The following TTN variants were observed in gnomAD, a reference collection of about 807,000 sequenced individuals.
TTN encodes the protein connectin.
A neutral mutation model predicts 3,223.0 loss-of-function variants in TTN; 1,525 were observed. That is an observed-to-expected ratio of 0.47 (90% CI 0.45 to 0.49). TTN has a LOEUF of 0.49. Ranked by LOEUF, TTN falls within the 20% of genes least tolerant of loss-of-function variation. The pLI is 0.00. For synonymous variants in TTN, 14,094 were observed against 15,161.0 expected, an observed-to-expected ratio of 0.93 and a Z score of 5.17; for missense variants, 40,786 against 43,424.0, an observed-to-expected ratio of 0.94 and a Z score of 5.40.
chr2:178,693,836 C>A (rs2073052530), intron 118 of TTN, 86 bp downstream of exon 118: 1 of 1,296,960 alleles, frequency 7.7e-7, no homozygotes, highest in Admixed American at 2.0e-5. Context: ...GAAATGTCTA[C>A]ACGATCACAA....
rs373173796 is a variant in TTN at position 178,548,426 on chromosome 2, C to G, written c.93200G>C (p.Ser31067Thr). ...EASRRSWQVI[S>T]EKCTRQIFKV... ...GAAGATCTGACGAGTGCATTTTTCA[C>G]TGATAACCTGCCAACTACGGCGACT... Residue 31067 changes from serine (S) to threonine (T), a missense_variant, in exon 339 of 363, where the codon AGT becomes ACT. Transcript: ENST00000589042. This position sits in a 1 kb window ranked among gnomAD's most constrained non-coding sequence, Gnocchi z 4.3. The G allele has an allele frequency of 6.2e-7, 1 of 1,613,744 alleles. No individual in the cohort carries two copies. Among genetic ancestry groups the G allele is most frequent in the Non-Finnish European group, 8.5e-7 (1 of 1,179,828 alleles).
chr2:178,775,178 T>C lies in TTN; in HGVS notation c.6533A>G (p.Gln2178Arg). The C allele has an allele frequency of 6.2e-7, 1 of 1,613,968 alleles. No homozygotes were observed. The highest frequency in any genetic ancestry group is 1.3e-5 in the African/African-American group (1 of 75,032). ...VQAKQLITFT[Q>R]ELQDVVAKEK... ...CTTAGCAACAACATCTTGTAATTCC[T>C]GTGTGAAAGTGATCAATTGCTTGGC... Residue 2178 changes from glutamine (Q) to arginine (R), a missense_variant, in exon 29 of 363, where the codon CAG (glutamine) becomes CGG (arginine). Coordinates refer to ENST00000589042, the MANE Select transcript of TTN (RefSeq NM_001267550.2).
rs750064931 is a variant in TTN at position 178,591,649 on chromosome 2, C to A, written c.60170G>T (p.Gly20057Val). 3 of 1,613,450 alleles carry A rather than the reference C, an allele frequency of 1.9e-6. No individual in the cohort carries two copies. Among genetic ancestry groups the A allele is most frequent in the Non-Finnish European group, 2.5e-6 (3 of 1,179,550 alleles). ...RFRVKAENIV[G>V]LGLPDTTIPI... ...GATAGTTGTGTCAGGGAGACCAAGA[C>A]CCACAATGTTTTCAGCTTTTACACG... Residue 20057 changes from glycine (G) to valine (V), a missense_variant, in exon 303 of 363, where the codon GGT becomes GTT. Physicochemically the swap from Gly to Val is moderately radical, Grantham distance 109 (BLOSUM62 -3). Coordinates refer to ENST00000589042, the MANE Select transcript of TTN (RefSeq NM_001267550.2).
rs1357526514 is a variant in TTN, at chr2:178,679,880, G to C, written c.33580+14C>G. The C allele has an allele frequency of 1.2e-6, 2 of 1,612,188 alleles. No homozygotes were observed. Among genetic ancestry groups the C allele is most frequent in the African/African-American group, 1.3e-5 (1 of 74,856 alleles). Reference sequence around the variant, plus strand: ...GATGCTGTTGCACAGCCCTTTGCAGGAGGCATCATCTACCTTTGACTGGTA... The same window carrying C: ...GATGCTGTTGCACAGCCCTTTGCAGCAGGCATCATCTACCTTTGACTGGTA... On this transcript the variant is annotated intron_variant, in intron 140 of 362. Coordinates refer to ENST00000589042, the MANE Select transcript of TTN (RefSeq NM_001267550.2).
chr2:178,776,454 A>G lies in TTN; in HGVS notation c.5410T>C (p.Ser1804Pro), dbSNP rs1333399387. The change falls in exon 28 of 363, where the codon TCC becomes CCC. Residue 1804 changes from serine (S) to proline (P), a missense_variant. By Grantham distance (74) the Ser-to-Pro change is moderately conservative. Transcript: ENST00000589042. The stretch of plus-strand genomic sequence containing the variant: ...CCTTTCCTCCCCTCAGGCAATTGGG[A>G]TTCTTCCACAAGACTTTTCTCATCT... ...VKDEKSLVEE[S>P]QLPEGRKGLQ... The G allele has an allele frequency of 6.2e-7, 1 of 1,608,466 alleles. No individual in the cohort carries two copies. The highest frequency in any genetic ancestry group is 1.1e-5 in the South Asian group (1 of 91,090).
chr2:178,621,062 A>G (rs370367147), intron 246 of TTN, 40 bp downstream of exon 246: 3 of 1,606,392 alleles, frequency 1.9e-6, no homozygotes, highest in African/African-American at 1.3e-5. Flanking sequence ...TACAAAACAA[A>G]CAAACAAACA....
At chr2:178,601,814 A>G in intron 285 of TTN, 27 bp from the exon 286 acceptor site, 1 of 1,603,702 alleles carries the variant, frequency 6.2e-7, no homozygotes, top group Non-Finnish European at 8.5e-7. Flanking sequence ...GTAGTCATAC[A>G]TTGAATGAAA....
chr2:178,598,982 A>T lies in TTN; in HGVS notation c.56728T>A (p.Tyr18910Asn). ...SMTVNWEEPEYDGGSPVTGYW... is the reference protein window; with the variant it reads ...SMTVNWEEPENDGGSPVTGYW... ...CCTGTCACAGGAGAGCCTCCATCATATTCTGGCTCTTCCCAGTTGACAGTC... is the reference window on the plus strand; with the variant it reads ...CCTGTCACAGGAGAGCCTCCATCATTTTCTGGCTCTTCCCAGTTGACAGTC... Residue 18910 changes from tyrosine (Y) to asparagine (N), a missense_variant, in exon 291 of 363, where the codon TAT becomes AAT. Coordinates refer to ENST00000589042, the MANE Select transcript of TTN (RefSeq NM_001267550.2). 1 of 1,611,828 alleles carries T rather than the reference A, an allele frequency of 6.2e-7. No individual in the cohort carries two copies. Among genetic ancestry groups the T allele is most frequent in the East Asian group, 2.2e-5 (1 of 44,566 alleles).
intron 110 of TTN, 133 bp downstream of exon 110, chr2:178,701,395 C>T: frequency 2.9e-6 from 3 of 1,041,728 alleles, no homozygotes. Flanking sequence ...TCTAATTGCT[C>T]ACTGAAGAAT....
chr2:178,757,229 A>ACTTT (rs1398848581), intron 45 of TTN, among the ~76,000 whole-genome samples: 2 of 149,624 alleles, frequency 1.3e-5, no homozygotes, highest in African/African-American at 2.4e-5. Context: ...AGTAAGTAAT[A>ACTTT]ATCAGCAAAT....
In TTN at chr2:178,792,185, T is replaced by C. The variant is rs756203826; in HGVS notation, c.1549A>G (p.Thr517Ala). The part of the protein sequence containing the change: ...HVTHEQIRKE[T>A]EKTFVPKVVI... The stretch of plus-strand genomic sequence containing the variant: ...ACCTTTGGTACAAATGTTTTTTCAG[T>C]TTCTTTTCTTATCTGCAAAGAATGA... Residue 517 changes from threonine (T) to alanine (A), a missense_variant, in exon 10 of 363, where the codon ACT (threonine) becomes GCT (alanine). Coordinates refer to ENST00000589042, the MANE Select transcript of TTN (RefSeq NM_001267550.2). 1.2e-6 allele frequency: 2 copies of C among 1,607,112 alleles called. No homozygotes were observed. The highest frequency in any genetic ancestry group is 4.5e-5 in the East Asian group (2 of 44,686).
At position 178,689,806 on chromosome 2, in the gene TTN, A is replaced by G. The variant is rs1216800876; in HGVS notation, c.31846+7T>C. The G allele has an allele frequency of 1.9e-6, 3 of 1,604,884 alleles. No homozygotes were observed. The highest frequency in any genetic ancestry group is 2.5e-6 in the Non-Finnish European group (3 of 1,177,336). On this transcript the variant is annotated splice_region_variant and intron_variant, in intron 122 of 362. Transcript: ENST00000589042. Reference sequence around the variant, plus strand: ...AAGATAGGGCTTTACGTCGAAAGCCACTGTACCTTTAGCTGGGGGAGCTTC... The same window carrying G: ...AAGATAGGGCTTTACGTCGAAAGCCGCTGTACCTTTAGCTGGGGGAGCTTC...
Position 178,636,521 on chromosome 2 carries a change from C to A in TTN, c.41206G>T (p.Ala13736Ser), listed in dbSNP as rs540133480. The A allele has an allele frequency of 4.8e-5, 77 of 1,613,474 alleles. No individual in the cohort carries two copies. Among genetic ancestry groups the A allele is most frequent in the Non-Finnish European group, 2.0e-5 (24 of 1,179,580 alleles). The change falls in exon 225 of 363, where the codon GCA (alanine) becomes TCA (serine). Residue 13736 changes from alanine to serine, a missense_variant. Transcript: ENST00000589042. This position sits in a 1 kb window ranked among gnomAD's most constrained non-coding sequence, Gnocchi z 4.3. ...TGCAGCTTTCTGTCTTTACCATCTG[C>A]AATAAACCTGTGCTTGGGACTCTCA... ...IRESPKHRFI[A>S]DGKDRKLHII...
intron 47 of TTN, chr2:178,750,316 G>A (rs1205523654): frequency 1.9e-6 from 3 of 1,613,148 alleles, no homozygotes; most frequent in Non-Finnish European, 2.5e-6. Flanking sequence ...TAAGCATACT[G>A]GTTGTTTTTA....
At chr2:178,582,857 T>C in intron 313 of TTN, 83 bp downstream of exon 313, 6 of 1,182,112 alleles carry the variant, frequency 5.1e-6, no homozygotes, top group Non-Finnish European at 6.8e-6. Flanking sequence ...TATGAATGTC[T>C]TCTCCCACAT....
Position 178,585,242 on chromosome 2 carries a change from T to A in TTN, c.64502A>T (p.Lys21501Ile), listed in dbSNP as rs1251141163. The change falls in exon 309 of 363, where the codon AAA becomes ATA. Residue 21501 changes from lysine to isoleucine, a missense_variant. Physicochemically the swap from Lys to Ile is moderately radical, Grantham distance 102. Coordinates refer to ENST00000589042, the MANE Select transcript of TTN (RefSeq NM_001267550.2). The part of the protein sequence containing the change: ...YGKPHPTCKW[K>I]KGEDEVVTSS... ...TGTGACAACTTCATCTTCTCCTTTT[T>A]TCCATTTACAGGTGGGATGAGGCTT... 6.2e-7 allele frequency: 1 copy of A among 1,613,362 alleles called. No homozygotes were observed. The highest frequency in any genetic ancestry group is 1.3e-5 in the African/African-American group (1 of 75,022).
chr2:178,724,427 T>C lies in TTN; in HGVS notation c.20948A>G (p.Lys6983Arg), dbSNP rs2078983149. The change falls in exon 72 of 363, where the codon AAG (lysine) becomes AGG (arginine). Residue 6983 changes from lysine (K) to arginine (R), a missense_variant. Coordinates refer to ENST00000589042, the MANE Select transcript of TTN (RefSeq NM_001267550.2). ...GTPELSVEWYKDGKLLTSSQK... is the reference protein window; with the variant it reads ...GTPELSVEWYRDGKLLTSSQK... The stretch of plus-strand genomic sequence containing the variant: ...GCTGCTGGTCAACAGCTTTCCATCC[T>C]TGTACCATTCAACAGAGAGTTCCGG... 1 of 1,613,404 alleles carries C rather than the reference T, an allele frequency of 6.2e-7. No homozygotes were observed.
chr2:178,712,238 A>C lies in TTN; in HGVS notation c.27608-16T>G. On this transcript the variant is annotated splice_polypyrimidine_tract_variant and intron_variant, in intron 95 of 362. Transcript: ENST00000589042. The stretch of plus-strand genomic sequence containing the variant: ...TACGGTGGTTCTGCAGCCAAGAGAG[A>C]TAATCAATCAGTCATGAAGGAGACA... 1 of 1,611,076 alleles carries C rather than the reference A, an allele frequency of 6.2e-7. No homozygotes were observed. Among genetic ancestry groups the C allele is most frequent in the Non-Finnish European group, 8.5e-7 (1 of 1,177,946 alleles).
Position 178,558,484 on chromosome 2 carries a change from C to T in TTN, c.86975G>A (p.Cys28992Tyr). 1.2e-6 allele frequency: 2 copies of T among 1,613,840 alleles called. No individual in the cohort carries two copies. Among genetic ancestry groups the T allele is most frequent in the Non-Finnish European group, 1.7e-6 (2 of 1,179,826 alleles). Residue 28992 changes from cysteine to tyrosine, a missense_variant, in exon 327 of 363, where the codon TGT becomes TAT. By Grantham distance (194) the Cys-to-Tyr change is radical (BLOSUM62 -2). Transcript: ENST00000589042. ...GTGATGGGTTGACTTTGCCACTGCA[C>T]ATTTAACCCAGTTTTTCTGTCCTTT... ...LEKGQKNWVK[C>Y]AVAKSTHHVV... is the part of the protein sequence containing the mutation.
Sources: allele counts gnomAD v4.1 joint callset (sites outside exome capture counted in the v4.1 genomes callset), GRCh38; gene constraint gnomAD v4.1.1; non-coding constraint Gnocchi (gnomAD v3.1); transcripts MANE v1.5; gene names NCBI Gene and HGNC (gene_info 2026-07-23, HGNC 2026-07-21).